CNOT6: variants seen among roughly 807,000 people sequenced by gnomAD.
CNOT6 encodes the protein CCR4-NOT transcription complex subunit 6.
A neutral mutation model predicts 61.2 loss-of-function variants in CNOT6; 12 were observed. That is an observed-to-expected ratio of 0.20 (90% CI 0.13 to 0.32). The LOEUF (loss-of-function observed/expected upper bound fraction) is 0.32. CNOT6 is among the 10% of genes least tolerant of loss of function. The pLI is 1.00. For synonymous variants in CNOT6, 225 were observed against 240.6 expected (o/e 0.94, Z 0.60); for missense variants, 405 against 663.9 (o/e 0.61, Z 4.28).
At chr5:180,557,899 G>A (rs976728510) in intron 4 of CNOT6, among the ~76,000 whole-genome samples, 6 of 147,654 alleles carry the variant, frequency 4.1e-5, no homozygotes, top group Non-Finnish European at 6.1e-5. Flanking sequence ...ATTAGCTCAA[G>A]GTTCTTTTTG....
chr5:180,537,982 G>T (rs1447582214), intron 2 of CNOT6, among the ~76,000 whole-genome samples: 2 of 150,700 alleles, frequency 1.3e-5, no homozygotes, highest in Non-Finnish European at 3.0e-5. Flanking sequence ...TGAGAGGCCA[G>T]TGTGGGTAGA....
At chr5:180,536,168 TG>T (rs1758686095) in intron 2 of CNOT6, among the ~76,000 whole-genome samples, 1 of 33,528 alleles carries the variant, frequency 3.0e-5, no homozygotes, top group Non-Finnish European at 7.7e-5. Context: ...GCTAATTTTT[TG>T]TATTTTTTTT....
intron 1 of CNOT6, among the ~76,000 whole-genome samples, chr5:180,524,574 C>T (rs10516145): frequency 0.46 from 70,319 of 151,788 alleles, 17,436 homozygotes; most frequent in Non-Finnish European, 0.57. Context: ...TCTCACAATA[C>T]GAAAAACCAA....
intron 2 of CNOT6, among the ~76,000 whole-genome samples, chr5:180,535,094 G>C (rs367627374): frequency 6.6e-6 from 1 of 152,350 alleles, no homozygotes; most frequent in African/African-American, 2.4e-5. Context: ...GGCATGGGCC[G>C]GAGTCCCTGG....
rs148086443 is a variant in CNOT6 at position 180,522,304 on chromosome 5, G to T, written c.-2-6971G>T. Among the ~76,000 whole-genome samples the T allele has an allele frequency of 5.4e-3, 821 of 151,980 alleles. 11 individuals carry two copies. Among genetic ancestry groups the T allele is most frequent in the African/African-American group, 0.019 (782 of 41,440 alleles). ...TTTTGTATTTTTTTTTTGTAGAGAT[G>T]GGGTTTTGCCTTGTTGCCCAGGCTG... On this transcript the variant is annotated intron_variant, in intron 1 of 11. Coordinates refer to ENST00000261951, the MANE Select transcript of CNOT6 (RefSeq NM_001370472.1).
intron 4 of CNOT6, among the ~76,000 whole-genome samples, chr5:180,553,839 C>T (rs1399223487): frequency 5.9e-5 from 9 of 151,794 alleles, no homozygotes; most frequent in Non-Finnish European, 4.4e-5. Flanking sequence ...AACAGGAAGT[C>T]GAAAATGTTG....
chr5:180,503,411 G>A (rs1293076765), intron 1 of CNOT6, among the ~76,000 whole-genome samples: 2 of 151,552 alleles, frequency 1.3e-5, no homozygotes, highest in South Asian at 2.1e-4. Flanking sequence ...TTAGAGGTAC[G>A]CGCCACCATG....
At chr5:180,523,168 C>T (rs932078556) in intron 1 of CNOT6, among the ~76,000 whole-genome samples, 1 of 152,166 alleles carries the variant, frequency 6.6e-6, no homozygotes, top group African/African-American at 2.4e-5. Context: ...GAAAAACCTT[C>T]ACACATCTGG....
chr5:180,544,498 G>A (rs1206030406), intron 2 of CNOT6, among the ~76,000 whole-genome samples: 3 of 152,090 alleles, frequency 2.0e-5, no homozygotes, highest in African/African-American at 7.2e-5. Flanking sequence ...AGTTCTCCTT[G>A]TCTTCCTGCC....
Position 180,565,816 on chromosome 5 carries a change from A to G in CNOT6, c.560-4A>G. The G allele has an allele frequency of 6.4e-7, 1 of 1,570,754 alleles. No individual in the cohort carries two copies. The highest frequency in any genetic ancestry group is 1.2e-5 in the South Asian group (1 of 85,266). ...GTGAATAAGTAAAGTTATCTTTCCT[A>G]CAGCCTTGTTTTCTGTCATGTGCTA... On this transcript the variant is annotated splice_region_variant and splice_polypyrimidine_tract_variant and intron_variant, in intron 6 of 11. Transcript: ENST00000261951.
chr5:180,515,273 A>C (rs573380210), intron 1 of CNOT6, among the ~76,000 whole-genome samples: 51 of 152,008 alleles, frequency 3.4e-4, no homozygotes, highest in African/African-American at 1.2e-3. Context: ...AAAAAGAAAG[A>C]AAAAAACAGA....
chr5:180,499,867 A>G (rs978154707), intron 1 of CNOT6, among the ~76,000 whole-genome samples: 1 of 152,206 alleles, frequency 6.6e-6, no homozygotes, highest in Non-Finnish European at 1.5e-5. Flanking sequence ...TAACACGAGA[A>G]GCAAATAGGT....
chr5:180,569,442 A>G (rs1760635128), intron 10 of CNOT6, 102 bp downstream of exon 10: 1 of 953,248 alleles, frequency 1.0e-6, no homozygotes, highest in Non-Finnish European at 1.6e-6. Flanking sequence ...ATAAAAATTC[A>G]GTTTGTAATG....
At position 180,578,291 on chromosome 5, in the gene CNOT6, A is replaced by G. The variant is rs1216564617; in HGVS notation, c.*4091A>G. 1.3e-5 allele frequency: 2 copies of G among 152,636 alleles called. No homozygotes were observed. The highest frequency in any genetic ancestry group is 2.9e-5 in the Non-Finnish European group (2 of 68,028). 9.5% of individuals were successfully genotyped at this position (152,636 alleles called of 1,614,324 possible). ...ACCTCATGATATAAGGAATGGGCTC[A>G]TGTGTCTTCCGTCTTTTGGAAGGAG... On this transcript the variant is annotated 3_prime_UTR_variant, in exon 12 of 12. Coordinates refer to ENST00000261951, the MANE Select transcript of CNOT6 (RefSeq NM_001370472.1).
chr5:180,549,778 G>T (rs566002498), intron 2 of CNOT6, among the ~76,000 whole-genome samples, 153 bp from the exon 3 acceptor site: 1 of 152,090 alleles, frequency 6.6e-6, no homozygotes, highest in African/African-American at 2.4e-5. Context: ...GCAATGAATC[G>T]TAGAATAGGT....
intron 2 of CNOT6, 86 bp downstream of exon 2, chr5:180,529,474 C>G (rs1258741026): frequency 1.4e-6 from 1 of 734,574 alleles, no homozygotes; most frequent in South Asian, 1.7e-5. Context: ...AGGAAAGAAA[C>G]ATTGATTTTA....
At chr5:180,503,134 C>G (rs1010305540) in intron 1 of CNOT6, among the ~76,000 whole-genome samples, 33 of 152,052 alleles carry the variant, frequency 2.2e-4, no homozygotes, top group Non-Finnish European at 5.9e-5. Flanking sequence ...CTCATTTAAT[C>G]CTCACACCAA....
At chr5:180,523,145 C>G (rs938854373) in intron 1 of CNOT6, among the ~76,000 whole-genome samples, 1 of 152,074 alleles carries the variant, frequency 6.6e-6, no homozygotes, top group South Asian at 2.1e-4. Flanking sequence ...TGGAGAATTG[C>G]TTGGTGTGTG....
intron 2 of CNOT6, among the ~76,000 whole-genome samples, chr5:180,538,009 C>G (rs1018294160): frequency 2.0e-5 from 3 of 150,526 alleles, no homozygotes; most frequent in African/African-American, 7.3e-5. Context: ...AGTAGACCAG[C>G]CTGGGCAACA....
Sources: gnomAD v4.1 joint callset for allele counts (sites outside exome capture counted in the v4.1 genomes callset) on GRCh38, gnomAD v4.1.1 for gene constraint, MANE v1.5 for transcripts, NCBI Gene and HGNC (gene_info 2026-07-23, HGNC 2026-07-21) for gene names.